Variants in CELSR1 observed in about 807,000 individuals in gnomAD.
The protein encoded by CELSR1 is adhesion G protein-coupled receptor C1.
CELSR1 carries 110 observed loss-of-function variants against 249.1 expected under a neutral mutation model. That is an observed-to-expected ratio of 0.44 (90% CI 0.38 to 0.52). The LOEUF (loss-of-function observed/expected upper bound fraction) is 0.52. Ranked by LOEUF, CELSR1 falls within the 20% of genes least tolerant of loss-of-function variation. CELSR1 has a pLI of 0.00. For missense variants in CELSR1, 4,109 were observed against 4,296.4 expected, an observed-to-expected ratio of 0.96 and a Z score of 1.22; for synonymous variants, 2,113 against 1,900.0, an observed-to-expected ratio of 1.11 and a Z score of -2.92.
chr22:46,527,270 C>T lies in CELSR1; in HGVS notation c.3544+6357G>A, dbSNP rs536364633. Among the ~76,000 whole-genome samples the T allele has an allele frequency of 6.6e-6, 1 of 152,278 alleles. No individual in the cohort carries two copies. The highest frequency in any genetic ancestry group is 2.4e-5 in the African/African-American group (1 of 41,564). ...GCTGGCAAAGCCCTCCTCAGCCACC[C>T]CCATGCTGGAGCAAGCATGATGTCC... On this transcript the variant is annotated intron_variant, in intron 1 of 34. Coordinates refer to ENST00000674500, the MANE Select transcript of CELSR1 (RefSeq NM_001378328.1). The surrounding 1 kb of genome is among the most constrained non-coding windows in gnomAD (Gnocchi z 5.5).
Position 46,391,691 on chromosome 22 carries a change from G to A in CELSR1, c.6090C>T (p.Gly2030=). 2 of 1,609,802 alleles carry A rather than the reference G, an allele frequency of 1.2e-6. No homozygotes were observed. Among genetic ancestry groups the A allele is most frequent in the Non-Finnish European group, 1.7e-6 (2 of 1,179,402 alleles). Residue 2030 remains glycine, a synonymous_variant, in exon 15 of 35, where the codon GGC becomes GGT. Transcript: ENST00000674500. The surrounding 1 kb of genome is among the most constrained non-coding windows in gnomAD (Gnocchi z 4.3). ...GGTTGTCGCAGCGGTTGCACTGGCG[G>A]CCGATGACGCCGGGCTTGCAGGCAC... is the stretch of plus-strand genomic sequence containing the variant. ...GQCACKPGVI[G]RQCNRCDNPF...
At chr22:46,383,260 T>C (rs1255426444) in intron 20 of CELSR1, among the ~76,000 whole-genome samples, 1 of 152,188 alleles carries the variant, frequency 6.6e-6, no homozygotes, top group Non-Finnish European at 1.5e-5. Context: ...CCTGACAAAA[T>C]CCATTTACTA....
Position 46,367,750 on chromosome 22 carries a change from G to T in CELSR1, c.8058C>A (p.Phe2686Leu). ...CTACCTGTAAGCCGCTGAAGATGGC[G>T]AAGAGGTAGTGAAAGCTCAGTGCAT... is the stretch of plus-strand genomic sequence containing the variant. Reference protein sequence around the residue: ...NRDALSFHYLFAIFSGLQGPF... With the variant: ...NRDALSFHYLLAIFSGLQGPF... The change falls in exon 28 of 35, where the codon TTC becomes TTA. Residue 2686 changes from phenylalanine to leucine, a missense_variant. By Grantham distance (22) the Phe-to-Leu change is conservative. Around this residue, in one of 7 missense-constraint regions of CELSR1, gnomAD observed 1,805 missense variants for 1,831.6 expected, o/e 0.99. Coordinates refer to ENST00000674500, the MANE Select transcript of CELSR1 (RefSeq NM_001378328.1). The T allele has an allele frequency of 6.2e-7, 1 of 1,605,178 alleles. No homozygotes were observed. The highest frequency in any genetic ancestry group is 8.5e-7 in the Non-Finnish European group (1 of 1,176,978).
At position 46,534,292 on chromosome 22, in the gene CELSR1, T is replaced by C. The variant is rs760475813; in HGVS notation, c.2879A>G (p.Asn960Ser). The change falls in exon 1 of 35, where the codon AAT becomes AGT. Residue 960 changes from asparagine (N) to serine (S), a missense_variant. Around this residue, in one of 7 missense-constraint regions of CELSR1, gnomAD observed 886 missense variants for 896.5 expected, o/e 0.99. Coordinates refer to ENST00000674500, the MANE Select transcript of CELSR1 (RefSeq NM_001378328.1). The surrounding 1 kb of genome is among the most constrained non-coding windows in gnomAD (Gnocchi z 9.7). ...AGCCCAAAGGTTGTACACGGCCACA[T>C]TCTCCCGGTCCAGCCGGCGCTGGGT... The part of the protein sequence containing the change: ...IRTQRRLDRE[N>S]VAVYNLWALA... 97 of 1,613,084 alleles carry C rather than the reference T, an allele frequency of 6.0e-5. 1 individual carries two copies. In the South Asian group the frequency reaches 7.4e-4, roughly 12 times the overall value.
intron 1 of CELSR1, among the ~76,000 whole-genome samples, chr22:46,510,338 C>G (rs904013396): frequency 1.3e-5 from 2 of 152,022 alleles, no homozygotes; most frequent in Non-Finnish European, 2.9e-5. Flanking sequence ...CTGGAATGCA[C>G]CCCCTTTCCG....
intron 1 of CELSR1, among the ~76,000 whole-genome samples, chr22:46,474,486 C>A (rs117718749): frequency 0.011 from 1,672 of 152,210 alleles, 13 homozygotes; most frequent in Middle Eastern, 0.024. Flanking sequence ...TGTCTGGTCC[C>A]GATGCCTGGT....
rs138045695 is a variant in CELSR1 at position 46,469,530 on chromosome 22, T to C, written c.3545-5185A>G. On this transcript the variant is annotated intron_variant, in intron 1 of 34. Transcript: ENST00000674500. The stretch of plus-strand genomic sequence containing the variant: ...TTGTTGTTGTTTGTTTGTTTGTTTG[T>C]TTTGAGATGGAGTCTCGCTCTGTTG... Among the ~76,000 whole-genome samples, 569 of 152,154 alleles carry C rather than the reference T, an allele frequency of 3.7e-3. 4 individuals are homozygous for C. Among genetic ancestry groups the C allele is most frequent in the African/African-American group, 0.013 (539 of 41,492 alleles).
Position 46,535,229 on chromosome 22 carries a change from C to T in CELSR1, c.1942G>A (p.Glu648Lys), listed in dbSNP as rs1434478537. Residue 648 changes from glutamate to lysine, a missense_variant, in exon 1 of 35, where the codon GAG becomes AAG. Transcript: ENST00000674500. ...CCGAAGCTGTAGTGCTCCACCTCCTCGCGGTCCAGCTCGGCACACACTGTG... is the reference window on the plus strand; with the variant it reads ...CCGAAGCTGTAGTGCTCCACCTCCTTGCGGTCCAGCTCGGCACACACTGTG... ...WITVCAELDR[E>K]EVEHYSFGVE... The T allele has an allele frequency of 6.2e-7, 1 of 1,609,798 alleles. No individual in the cohort carries two copies. Among genetic ancestry groups the T allele is most frequent in the Non-Finnish European group, 8.5e-7 (1 of 1,179,980 alleles).
intron 1 of CELSR1, among the ~76,000 whole-genome samples, chr22:46,508,212 T>C (rs1277298839): frequency 6.7e-6 from 1 of 149,954 alleles, no homozygotes; most frequent in Non-Finnish European, 1.5e-5. Context: ...CGCCCTGCCC[T>C]GGCCACAGAG....
At position 46,374,946 on chromosome 22, in the gene CELSR1, G is replaced by C. The variant is rs2078902756; in HGVS notation, c.7585-1889C>G. Among the ~76,000 whole-genome samples the C allele has an allele frequency of 6.6e-6, 1 of 152,182 alleles. No individual in the cohort carries two copies. Among genetic ancestry groups the C allele is most frequent in the Non-Finnish European group, 1.5e-5 (1 of 68,020 alleles). ...GGAGGCGGCGGGGAAGGTTGGCCCT[G>C]GCTGGTCTGACACACGCCTCGGGGC... On this transcript the variant is annotated intron_variant, in intron 24 of 34. Transcript: ENST00000674500. This position sits in a 1 kb window ranked among gnomAD's most constrained non-coding sequence, Gnocchi z 4.3.
In CELSR1 at chr22:46,437,069, T is replaced by C. The variant is rs2079671065; in HGVS notation, c.4407-780A>G. ...AGATCTGGTCCATATCAGTGCTTAATATGGGCTGTTTGAATAAATGAAAGG... is the reference window on the plus strand; with the variant it reads ...AGATCTGGTCCATATCAGTGCTTAACATGGGCTGTTTGAATAAATGAAAGG... On this transcript the variant is annotated intron_variant, in intron 3 of 34. Coordinates refer to ENST00000674500, the MANE Select transcript of CELSR1 (RefSeq NM_001378328.1). The surrounding 1 kb of genome is among the most constrained non-coding windows in gnomAD (Gnocchi z 4.9). Among the ~76,000 whole-genome samples, 3 of 152,170 alleles carry C rather than the reference T, an allele frequency of 2.0e-5. No homozygotes were observed. Among genetic ancestry groups the C allele is most frequent in the South Asian group, 2.1e-4 (1 of 4,826 alleles).
chr22:46,386,515 C>T lies in CELSR1; in HGVS notation c.6626G>A (p.Ser2209Asn). Residue 2209 changes from serine (S) to asparagine (N), a missense_variant, in exon 19 of 35, where the codon AGC becomes AAC. Physicochemically the swap from Ser to Asn is conservative, Grantham distance 46 (BLOSUM62 1). Transcript: ENST00000674500. Reference protein sequence around the residue: ...TRAAWEQIQRSEGGTAQLLRR... With the variant: ...TRAAWEQIQRNEGGTAQLLRR... ...GAGCAGCTGTGCCGTGCCGCCCTCG[C>T]TCCGCTGGATCTGCTCCCACGCCGC... The T allele has an allele frequency of 6.3e-7, 1 of 1,597,812 alleles. No individual in the cohort carries two copies. The highest frequency in any genetic ancestry group is 1.7e-5 in the Admixed American group (1 of 58,074).
Position 46,363,345 on chromosome 22 carries a change from A to C in CELSR1, c.9036-98T>G. ...TCACACGGGGGGGCAGGATCACCCCATCAGGGTAGAGGGGGCGTCTGGGGG... is the reference window on the plus strand; with the variant it reads ...TCACACGGGGGGGCAGGATCACCCCCTCAGGGTAGAGGGGGCGTCTGGGGG... On this transcript the variant is annotated intron_variant, in intron 34 of 34. Coordinates refer to ENST00000674500, the MANE Select transcript of CELSR1 (RefSeq NM_001378328.1). The surrounding 1 kb of genome is among the most constrained non-coding windows in gnomAD (Gnocchi z 4.3). 2.0e-5 allele frequency: 20 copies of C among 998,196 alleles called. No homozygotes were observed. Among genetic ancestry groups the C allele is most frequent in the East Asian group, 5.4e-5 (2 of 37,228 alleles). 61.8% of individuals were successfully genotyped at this position (998,196 alleles called of 1,614,324 possible).
chr22:46,482,887 G>A (rs1413825354), intron 1 of CELSR1, among the ~76,000 whole-genome samples: 1 of 152,134 alleles, frequency 6.6e-6, no homozygotes, highest in East Asian at 1.9e-4. Flanking sequence ...AGGGAGTGCT[G>A]GCATGGAGCA....
intron 5 of CELSR1, among the ~76,000 whole-genome samples, chr22:46,432,430 T>C (rs9615368): frequency 0.037 from 5,594 of 152,290 alleles, 136 homozygotes; most frequent in Non-Finnish European, 0.052. Context: ...GGCCCCAGCC[T>C]TGTGAAGTCC....
intron 1 of CELSR1, among the ~76,000 whole-genome samples, chr22:46,532,218 G>T (rs2080798881): frequency 6.6e-6 from 1 of 152,194 alleles, no homozygotes. Context: ...TTTTTAAATA[G>T]GCCAAATTTC....
rs1456145789 is a variant in CELSR1, at chr22:46,398,645, G to T, written c.5413-8C>A. 1 of 1,603,590 alleles carries T rather than the reference G, an allele frequency of 6.2e-7. No homozygotes were observed. The highest frequency in any genetic ancestry group is 1.1e-5 in the South Asian group (1 of 89,768). Reference sequence around the variant, plus strand: ...CCCGATATCTGCCTTGTTCTGTGCGGAGAGAGGGGCCGGGGATCTGGGGGC... The same window carrying T: ...CCCGATATCTGCCTTGTTCTGTGCGTAGAGAGGGGCCGGGGATCTGGGGGC... On this transcript the variant is annotated splice_polypyrimidine_tract_variant and splice_region_variant and intron_variant, in intron 10 of 34. Transcript: ENST00000674500. This position sits in a 1 kb window ranked among gnomAD's most constrained non-coding sequence, Gnocchi z 7.2.
rs911722293 is a variant in CELSR1, at chr22:46,473,014, G to C, written c.3545-8669C>G. Among the ~76,000 whole-genome samples the C allele has an allele frequency of 6.6e-6, 1 of 152,144 alleles. No homozygotes were observed. The highest frequency in any genetic ancestry group is 1.9e-4 in the East Asian group (1 of 5,186). ...AGGTTCCAGGTGGATGTGAATTTTG[G>C]GGGGACGTTAGTCAACCCCGGGAAT... is the stretch of plus-strand genomic sequence containing the variant. On this transcript the variant is annotated intron_variant, in intron 1 of 34. Transcript: ENST00000674500. This position sits in a 1 kb window ranked among gnomAD's most constrained non-coding sequence, Gnocchi z 6.6.
At chr22:46,524,622 C>T (rs908552484) in intron 1 of CELSR1, among the ~76,000 whole-genome samples, 2 of 151,820 alleles carry the variant, frequency 1.3e-5, no homozygotes, top group Non-Finnish European at 2.9e-5. Flanking sequence ...GGCCTTCATC[C>T]AGGACAAGAG....
Sources: gnomAD v4.1 joint callset for allele counts (sites outside exome capture counted in the v4.1 genomes callset) on GRCh38, gnomAD v4.1.1 for gene constraint, gnomAD v4.1.1 regional missense constraint, Gnocchi (gnomAD v3.1) non-coding constraint, MANE v1.5 for transcripts, NCBI Gene and HGNC (gene_info 2026-07-23, HGNC 2026-07-21) for gene names.